The following CDH12 variants were observed in gnomAD, a reference collection of about 807,000 sequenced individuals.
CDH12 encodes cadherin 12.
In CDH12, 41 loss-of-function variants were observed where a neutral mutation model predicts 74.1. The observed-to-expected ratio is 0.55, with a 90% CI of 0.43 to 0.72. CDH12 has a LOEUF of 0.72. Ranked by LOEUF, CDH12 falls within the 30% of genes least tolerant of loss-of-function variation. The pLI, the probability that CDH12 is intolerant of heterozygous loss-of-function variation, is 0.00. For missense variants in CDH12, 945 were observed against 977.2 expected, an observed-to-expected ratio of 0.97 and a Z score of 0.44; for synonymous variants, 399 against 355.0, an observed-to-expected ratio of 1.12 and a Z score of -1.39.
intron 3 of CDH12, among the ~76,000 whole-genome samples, chr5:22,238,722 G>T (rs1468190746): frequency 2.6e-5 from 4 of 152,182 alleles, no homozygotes; most frequent in African/African-American, 9.7e-5. Context: ...CAGGAGGAAT[G>T]CATGCATTTA....
At chr5:22,233,530 C>G (rs1752461876) in intron 3 of CDH12, among the ~76,000 whole-genome samples, 1 of 152,060 alleles carries the variant, frequency 6.6e-6, no homozygotes, top group South Asian at 2.1e-4. Flanking sequence ...AAAATGTCAT[C>G]AGTAAGTCAA....
chr5:22,019,920 T>A (rs1430474469), intron 5 of CDH12, among the ~76,000 whole-genome samples: 1 of 152,174 alleles, frequency 6.6e-6, no homozygotes, highest in Middle Eastern at 3.4e-3. Flanking sequence ...CTGCACTAAG[T>A]CTCAAAGTGT....
At chr5:22,314,823 C>A (rs2150431674) in intron 3 of CDH12, among the ~76,000 whole-genome samples, 1 of 148,710 alleles carries the variant, frequency 6.7e-6, no homozygotes, top group South Asian at 2.1e-4. Context: ...AATTCAAGGT[C>A]ATTAGGGTTA....
chr5:22,396,012 T>C (rs1742440592), intron 3 of CDH12, among the ~76,000 whole-genome samples: 1 of 152,124 alleles, frequency 6.6e-6, no homozygotes, highest in East Asian at 1.9e-4. Flanking sequence ...CAACTGTTCT[T>C]GGACTCAATA....
intron 8 of CDH12, among the ~76,000 whole-genome samples, chr5:21,818,712 T>G (rs1484892090): frequency 6.6e-6 from 1 of 151,894 alleles, no homozygotes; most frequent in Non-Finnish European, 1.5e-5. Flanking sequence ...TCCACAAGAG[T>G]TATATTTAAA....
intron 3 of CDH12, among the ~76,000 whole-genome samples, chr5:22,379,327 A>G (rs1012152306): frequency 1.3e-5 from 2 of 152,152 alleles, no homozygotes; most frequent in African/African-American, 4.8e-5. Flanking sequence ...AGATGGGGAA[A>G]TGGCACGCTT....
At chr5:22,642,027 G>T (rs1227929541) in intron 1 of CDH12, among the ~76,000 whole-genome samples, 3 of 152,090 alleles carry the variant, frequency 2.0e-5, no homozygotes, top group Non-Finnish European at 4.4e-5. Context: ...TCAAATATTT[G>T]CCAGGTAAAT....
At chr5:21,937,669 G>A (rs1191625195) in intron 6 of CDH12, among the ~76,000 whole-genome samples, 1 of 152,184 alleles carries the variant, frequency 6.6e-6, no homozygotes, top group Middle Eastern at 3.2e-3. Flanking sequence ...AATCCTATAT[G>A]TGATTTTTGG....
At chr5:22,772,598 G>A (rs780431228) in intron 1 of CDH12, among the ~76,000 whole-genome samples, 1 of 151,714 alleles carries the variant, frequency 6.6e-6, no homozygotes, top group Non-Finnish European at 1.5e-5. Flanking sequence ...TATCTCACAC[G>A]TTTTTTTTAA....
intron 1 of CDH12, among the ~76,000 whole-genome samples, chr5:22,761,011 T>C (rs1746199561): frequency 6.6e-6 from 1 of 152,214 alleles, no homozygotes. Context: ...GAGCAATATG[T>C]TTTGCATTCT....
intron 2 of CDH12, among the ~76,000 whole-genome samples, chr5:22,408,943 C>T (rs1437920851): frequency 6.6e-6 from 1 of 151,888 alleles, no homozygotes; most frequent in Admixed American, 6.6e-5. Context: ...CAGTATTCTA[C>T]AATAAGGCAT....
intron 1 of CDH12, among the ~76,000 whole-genome samples, chr5:22,676,836 C>A (rs1420408679): frequency 6.6e-6 from 1 of 151,996 alleles, no homozygotes; most frequent in African/African-American, 2.4e-5. Flanking sequence ...AGGGGGAAAA[C>A]AACTAAATTC....
intron 6 of CDH12, among the ~76,000 whole-genome samples, chr5:21,860,968 T>C (rs143143181): frequency 5.3e-5 from 8 of 152,212 alleles, no homozygotes; most frequent in Non-Finnish European, 1.2e-4. Context: ...GTTCTGTCCC[T>C]GTAGAAAACC....
At chr5:21,949,558 A>G (rs773929951) in intron 6 of CDH12, among the ~76,000 whole-genome samples, 19 of 152,244 alleles carry the variant, frequency 1.2e-4, no homozygotes, top group Non-Finnish European at 2.4e-4. Flanking sequence ...ACAGATCCAT[A>G]TGCATTATTG....
intron 3 of CDH12, among the ~76,000 whole-genome samples, chr5:22,269,004 C>T (rs1736260218): frequency 6.6e-6 from 1 of 152,040 alleles, no homozygotes. Context: ...TTCTCGCCCT[C>T]CCATTAGATG....
intron 1 of CDH12, chr5:22,580,456 C>T (rs1344742289): frequency 3.5e-5 from 18 of 508,670 alleles, no homozygotes; most frequent in South Asian, 1.5e-4. Context: ...ACAAACCTGG[C>T]GACTGCATGC....
chr5:21,789,164 TG>T (rs1189352226), intron 10 of CDH12, among the ~76,000 whole-genome samples: 1 of 152,190 alleles, frequency 6.6e-6, no homozygotes, highest in Non-Finnish European at 1.5e-5. Flanking sequence ...GATAATTGTA[TG>T]TATTATATAT....
intron 3 of CDH12, among the ~76,000 whole-genome samples, chr5:22,307,185 C>G (rs557851037): frequency 2.0e-5 from 3 of 152,264 alleles, no homozygotes; most frequent in South Asian, 2.1e-4. Flanking sequence ...AACTCTACCC[C>G]ACTTTGACTG....
At chr5:22,850,139 CACTT>C (rs1000987661) in intron 1 of CDH12, among the ~76,000 whole-genome samples, 5 of 152,004 alleles carry the variant, frequency 3.3e-5, no homozygotes, top group Non-Finnish European at 5.9e-5. Flanking sequence ...TCATAACTCT[CACTT>C]AATATGTTGT....
Sources: allele counts gnomAD v4.1 joint callset (sites outside exome capture counted in the v4.1 genomes callset), GRCh38; gene constraint gnomAD v4.1.1; transcripts MANE v1.5; gene names NCBI Gene and HGNC (gene_info 2026-07-23, HGNC 2026-07-21).